The following ABCC4 variants were observed in gnomAD, a reference collection of about 807,000 sequenced individuals.
The protein encoded by ABCC4 is ATP binding cassette subfamily C member 4 (PEL blood group).
ABCC4 carries 102 observed loss-of-function variants against 168.5 expected under a neutral mutation model. The ratio of observed to expected loss-of-function variants is 0.61; its 90% CI spans 0.52 to 0.71. The LOEUF is 0.71. Among genes scored for constraint, ABCC4 ranks in the 30% least tolerant of loss-of-function variants. ABCC4 has a pLI of 0.00. For synonymous variants in ABCC4, 617 were observed against 590.7 expected (o/e 1.04, Z -0.65); for missense variants, 1,402 against 1,605.8 (o/e 0.87, Z 2.17).
intron 25 of ABCC4, among the ~76,000 whole-genome samples, chr13:95,065,418 G>T (rs2033494227): frequency 6.6e-6 from 1 of 152,134 alleles, no homozygotes; most frequent in Admixed American, 6.6e-5. Context: ...TTGAGTGTGA[G>T]TTATCTGTGT....
intron 1 of ABCC4, among the ~76,000 whole-genome samples, chr13:95,254,753 A>G (rs542366559): frequency 6.6e-6 from 1 of 152,192 alleles, no homozygotes; most frequent in Non-Finnish European, 1.5e-5. Context: ...CCCCTGCCCA[A>G]GCTTAAATTT....
At chr13:95,154,052 CT>C (rs145268001) in intron 19 of ABCC4, among the ~76,000 whole-genome samples, 2,714 of 152,258 alleles carry the variant, frequency 0.018, 92 homozygotes, top group African/African-American at 0.062. Context: ...ACTTCAAACT[CT>C]TAGCTGTTTC....
At chr13:95,078,540 T>A (rs1221114003) in intron 21 of ABCC4, among the ~76,000 whole-genome samples, 1 of 152,216 alleles carries the variant, frequency 6.6e-6, no homozygotes, top group African/African-American at 2.4e-5. Flanking sequence ...GCAGGTGACA[T>A]GACCGTAAGA....
chr13:95,038,002 A>G (rs371434887), intron 29 of ABCC4, among the ~76,000 whole-genome samples: 9 of 152,152 alleles, frequency 5.9e-5, no homozygotes, highest in African/African-American at 1.9e-4. Context: ...CTACAGGTGC[A>G]CGCCGCCAAA....
rs1566480641 is a variant in ABCC4 at position 95,164,060 on chromosome 13, AAG to A, written c.2175+316_2175+317del. Among the ~76,000 whole-genome samples, 218 of 128,096 alleles carry A rather than the reference AAG, an allele frequency of 1.7e-3. 2 individuals carry two copies. Among genetic ancestry groups the A allele is most frequent in the African/African-American group, 5.3e-3 (207 of 38,822 alleles). The allele number at this position is 128,096 out of a possible 152,430, so 84.0% of individuals were successfully genotyped here. ...CATCTCAAAAAAAAAAAAAAAAAGA[AAG>A]AAAGAAAGAAAGAAAGAATAAAAGG... On this transcript the variant is annotated intron_variant, in intron 16 of 30. Coordinates refer to ENST00000645237, the MANE Select transcript of ABCC4 (RefSeq NM_005845.5).
intron 1 of ABCC4, among the ~76,000 whole-genome samples, chr13:95,250,030 A>C (rs1046504511): frequency 3.3e-5 from 5 of 152,236 alleles, no homozygotes; most frequent in African/African-American, 1.2e-4. Flanking sequence ...CCCAGATCTC[A>C]AAAAGCTGGG....
intron 1 of ABCC4, among the ~76,000 whole-genome samples, chr13:95,291,376 A>G (rs1347822687): frequency 6.6e-6 from 1 of 151,934 alleles, no homozygotes; most frequent in Admixed American, 6.6e-5. Context: ...AAAAGACAGA[A>G]GTGCCCAGGT....
At chr13:95,139,477 T>A (rs1211451773) in intron 19 of ABCC4, among the ~76,000 whole-genome samples, 1 of 152,160 alleles carries the variant, frequency 6.6e-6, no homozygotes, top group African/African-American at 2.4e-5. Context: ...GCAAGCTGTG[T>A]AGGGGGTGAG....
intron 25 of ABCC4, among the ~76,000 whole-genome samples, chr13:95,068,817 G>A (rs139153879): frequency 1.3e-5 from 2 of 152,326 alleles, no homozygotes; most frequent in East Asian, 1.9e-4. Context: ...AATTTACAAC[G>A]TGGCCAAACT....
At chr13:95,056,801 C>T (rs1566377434) in intron 26 of ABCC4, among the ~76,000 whole-genome samples, 1 of 152,208 alleles carries the variant, frequency 6.6e-6, no homozygotes, top group Non-Finnish European at 1.5e-5. Context: ...TTAAAAACTA[C>T]TTAGCTTTTG....
chr13:95,228,910 G>A (rs1288341372), intron 4 of ABCC4, among the ~76,000 whole-genome samples: 2 of 151,880 alleles, frequency 1.3e-5, no homozygotes, highest in African/African-American at 4.8e-5. Context: ...GAAAAAAAAA[G>A]GAAATGGTCA....
intron 1 of ABCC4, among the ~76,000 whole-genome samples, chr13:95,262,750 A>G (rs2040565135): frequency 6.6e-6 from 1 of 151,130 alleles, no homozygotes; most frequent in South Asian, 2.1e-4. Context: ...CTCCTGCTTC[A>G]GCCTCCTGAG....
At chr13:95,026,270 G>A (rs2031540079) in intron 30 of ABCC4, among the ~76,000 whole-genome samples, 1 of 151,978 alleles carries the variant, frequency 6.6e-6, no homozygotes, top group African/African-American at 2.4e-5. Context: ...AAAAAAATAA[G>A]TGGCATTTCT....
chr13:95,298,696 G>C (rs1487494395), intron 1 of ABCC4, among the ~76,000 whole-genome samples: 1 of 152,190 alleles, frequency 6.6e-6, no homozygotes, highest in Admixed American at 6.5e-5. Context: ...ATTTCCGACA[G>C]CACCTGAACT....
intron 26 of ABCC4, among the ~76,000 whole-genome samples, chr13:95,058,585 A>G (rs1277115417): frequency 2.0e-4 from 12 of 58,742 alleles, no homozygotes; most frequent in African/African-American, 5.2e-4. Context: ...AAAAAAAAAA[A>G]AAAAAAAGAA....
chr13:95,025,282 C>A (rs1306238141), intron 30 of ABCC4, among the ~76,000 whole-genome samples: 1 of 73,170 alleles, frequency 1.4e-5, no homozygotes, highest in Non-Finnish European at 2.5e-5. Flanking sequence ...CCCACACACA[C>A]CCCCACACAC....
At chr13:95,287,326 C>T (rs924958634) in intron 1 of ABCC4, among the ~76,000 whole-genome samples, 1 of 151,648 alleles carries the variant, frequency 6.6e-6, no homozygotes, top group South Asian at 2.1e-4. Context: ...TGGTGGCTCA[C>T]GCCTCTAATC....
chr13:95,257,680 A>G (rs1017662919), intron 1 of ABCC4, among the ~76,000 whole-genome samples: 3 of 151,986 alleles, frequency 2.0e-5, no homozygotes, highest in Non-Finnish European at 4.4e-5. Context: ...AAAAGAAAGA[A>G]AAAGAAAAAA....
At chr13:95,157,721 C>T (rs1044200673) in intron 19 of ABCC4, among the ~76,000 whole-genome samples, 2 of 152,038 alleles carry the variant, frequency 1.3e-5, no homozygotes, top group Admixed American at 6.6e-5. Flanking sequence ...TAGGTGGGTT[C>T]GAAATGGAGA....
Sources: gnomAD v4.1 joint callset for allele counts (sites outside exome capture counted in the v4.1 genomes callset) on GRCh38, gnomAD v4.1.1 for gene constraint, MANE v1.5 for transcripts, NCBI Gene and HGNC (gene_info 2026-07-23, HGNC 2026-07-21) for gene names.